The following ANAPC5 variants were observed in gnomAD, a reference collection of about 807,000 sequenced individuals.
ANAPC5 encodes the protein anaphase promoting complex subunit 5.
A neutral mutation model predicts 91.3 loss-of-function variants in ANAPC5; 60 were observed. That is an observed-to-expected ratio of 0.66 (90% CI 0.53 to 0.81). The LOEUF is 0.81. Ranked by LOEUF, ANAPC5 falls within the 40% of genes least tolerant of loss-of-function variation. ANAPC5 has a pLI of 0.00. For synonymous variants in ANAPC5, 340 were observed against 364.1 expected (o/e 0.93, Z 0.75); for missense variants, 690 against 931.5 (o/e 0.74, Z 3.37).
intron 15 of ANAPC5, among the ~76,000 whole-genome samples, chr12:121,310,933 C>CAAAAAAAAA (rs35742192): frequency 1.6e-5 from 1 of 61,140 alleles, no homozygotes; most frequent in East Asian, 4.7e-4. Flanking sequence ...GACTCCATCT[C>CAAAAAAAAA]AAAAAAAAAA....
intron 1 of ANAPC5, chr12:121,351,281 G>T (rs181694460): frequency 9.4e-6 from 3 of 319,694 alleles, no homozygotes; most frequent in Non-Finnish European, 1.9e-5. Flanking sequence ...GCTGAGGTGG[G>T]AGGATCACCT....
chr12:121,336,030 T>A (rs1903223737), intron 6 of ANAPC5, among the ~76,000 whole-genome samples: 1 of 152,198 alleles, frequency 6.6e-6, no homozygotes, highest in Admixed American at 6.6e-5. Context: ...CTTACCTAGT[T>A]CAAATATTGA....
At chr12:121,329,990 G>A (rs1555272723) in intron 9 of ANAPC5, among the ~76,000 whole-genome samples, 13 of 152,242 alleles carry the variant, frequency 8.5e-5, no homozygotes, top group Non-Finnish European at 1.5e-5. Flanking sequence ...CACTCAAAAC[G>A]AGAAAGGACA....
chr12:121,318,446 C>A, intron 14 of ANAPC5, 22 bp from the exon 15 acceptor site: 1 of 1,610,970 alleles, frequency 6.2e-7, no homozygotes, highest in Non-Finnish European at 8.5e-7. Flanking sequence ...GAGGAAAACA[C>A]AGGATGAGAA....
chr12:121,324,436 G>A (rs972970628), intron 11 of ANAPC5, among the ~76,000 whole-genome samples: 1 of 152,104 alleles, frequency 6.6e-6, no homozygotes, highest in Non-Finnish European at 1.5e-5. Flanking sequence ...GCCAAACAAT[G>A]ATTGGGTCAG....
intron 5 of ANAPC5, among the ~76,000 whole-genome samples, chr12:121,339,054 C>CTTTTTTTT (rs1259383557): frequency 2.3e-5 from 3 of 128,808 alleles, no homozygotes; most frequent in Non-Finnish European, 3.3e-5. Context: ...ACTTTTTTTT[C>CTTTTTTTT]TTTTTTTTTT....
At chr12:121,328,247 A>G in intron 10 of ANAPC5, 69 bp downstream of exon 10, 1 of 1,492,146 alleles carries the variant, frequency 6.7e-7, no homozygotes, top group South Asian at 1.2e-5. Flanking sequence ...ATGGCCTTTC[A>G]CAGAACCAGC....
At chr12:121,331,160 G>A (rs1269328136) in intron 8 of ANAPC5, 187 bp downstream of exon 8, 1 of 525,760 alleles carries the variant, frequency 1.9e-6, no homozygotes, top group Non-Finnish European at 3.4e-6. Context: ...AAGCAAAACA[G>A]ATGTCATGAA....
rs950806442 is a variant in ANAPC5, at chr12:121,319,722, G to C, written c.1612C>G (p.Leu538Val). Residue 538 changes from leucine (L) to valine (V), a missense_variant, in exon 13 of 17, where the codon CTC becomes GTC. Physicochemically the swap from Leu to Val is conservative, Grantham distance 32. Coordinates refer to ENST00000261819, the MANE Select transcript of ANAPC5 (RefSeq NM_016237.5). Reference sequence around the variant, plus strand: ...CTATAAACACCCTCTATGCTATTGAGAGCTGTGATTCCTGTAACAAGTGAA... The same window carrying C: ...CTATAAACACCCTCTATGCTATTGACAGCTGTGATTCCTGTAACAAGTGAA... ...ADSLVTGITA[L>V]NSIEGVYRKA... 6 of 1,611,906 alleles carry C rather than the reference G, an allele frequency of 3.7e-6. No homozygotes were observed. The highest frequency in any genetic ancestry group is 4.2e-6 in the Non-Finnish European group (5 of 1,179,470).
chr12:121,313,603 T>A (rs1186078229), intron 15 of ANAPC5, among the ~76,000 whole-genome samples: 1 of 152,080 alleles, frequency 6.6e-6, no homozygotes, highest in African/African-American at 2.4e-5. Context: ...TAAAATGGAT[T>A]ATACAAGAAT....
At chr12:121,352,715 T>TGGTGGTGGTGGTGGTGGTGGTGGTGG (rs1555275616), upstream of ANAPC5, among the ~76,000 whole-genome samples, 151 of 30,626 alleles carry the variant, frequency 4.9e-3, 1 homozygote, top group Non-Finnish European at 9.7e-3. Context: ...TTGGTTGTTG[T>TGGTGGTGGTGGTGGTGGTGGTGGTGG]TGTTGGTGGT....
At position 121,327,201 on chromosome 12, in the gene ANAPC5, C is replaced by T; in HGVS notation, c.1335G>A (p.Leu445=). ...CCGCCTCCAGGCTGTTCATGCTCAGCAACATCTGGGCCTGTTGCAGTGCCA... is the reference window on the plus strand; with the variant it reads ...CCGCCTCCAGGCTGTTCATGCTCAGTAACATCTGGGCCTGTTGCAGTGCCA... The part of the protein sequence containing the change: ...STMALQQAQM[L]LSMNSLEAVN... Residue 445 remains leucine, a synonymous_variant, in exon 11 of 17, where the codon TTG becomes TTA. Transcript: ENST00000261819. 6.2e-7 allele frequency: 1 copy of T among 1,613,504 alleles called. No individual in the cohort carries two copies.
At chr12:121,323,477 A>G (rs1400396716) in intron 11 of ANAPC5, among the ~76,000 whole-genome samples, 1 of 152,030 alleles carries the variant, frequency 6.6e-6, no homozygotes, top group African/African-American at 2.4e-5. Context: ...GGCATGTGCC[A>G]CCACACACCA....
chr12:121,321,663 G>A (rs1902615202), intron 11 of ANAPC5, among the ~76,000 whole-genome samples: 2 of 149,634 alleles, frequency 1.3e-5, no homozygotes, highest in African/African-American at 4.9e-5. Flanking sequence ...CCCACCTCCC[G>A]AGTAGCTGGA....
chr12:121,313,154 C>T (rs960368918), intron 15 of ANAPC5, among the ~76,000 whole-genome samples: 3 of 151,816 alleles, frequency 2.0e-5, no homozygotes, highest in Non-Finnish European at 4.4e-5. Flanking sequence ...GGCGAAACCC[C>T]GTCTCTATTA....
intron 7 of ANAPC5, 96 bp from the exon 8 acceptor site, chr12:121,331,524 A>T (rs1903043172): frequency 5.9e-6 from 6 of 1,013,828 alleles, no homozygotes; most frequent in Non-Finnish European, 8.8e-6. Context: ...ATCCAAATGC[A>T]GGTCTCTGGG....
chr12:121,309,666 T>G, intron 16 of ANAPC5, 35 bp downstream of exon 16: 1 of 1,571,286 alleles, frequency 6.4e-7, no homozygotes, highest in South Asian at 1.2e-5. Flanking sequence ...CTTTCTGGAA[T>G]AGCATTGCCT....
At chr12:121,345,325 G>C (rs1903620416) in intron 4 of ANAPC5, among the ~76,000 whole-genome samples, 1 of 152,144 alleles carries the variant, frequency 6.6e-6, no homozygotes, top group African/African-American at 2.4e-5. Context: ...ATACCAGTCA[G>C]GGACCCAGCA....
At position 121,335,713 on chromosome 12, in the gene ANAPC5, C is replaced by CT; in HGVS notation, c.769dup (p.Ser257LysfsTer23). On this transcript the variant is annotated frameshift_variant, in exon 7 of 17. Transcript: ENST00000261819. LOFTEE classifies it high-confidence loss of function. The stretch of plus-strand genomic sequence containing the variant: ...TTGGACACGGAGGTTGTTTAAGTAG[C>CT]TGAGATAATGCTAAAACAAGAAATA... The CT allele has an allele frequency of 6.2e-7, 1 of 1,603,240 alleles. No individual in the cohort carries two copies. The highest frequency in any genetic ancestry group is 1.1e-5 in the South Asian group (1 of 90,756).
Sources: allele counts gnomAD v4.1 joint callset (sites outside exome capture counted in the v4.1 genomes callset), GRCh38; gene constraint gnomAD v4.1.1; transcripts MANE v1.5; gene names NCBI Gene and HGNC (gene_info 2026-07-23, HGNC 2026-07-21).